PCDHGB3: variants seen among roughly 807,000 people sequenced by gnomAD.
PCDHGB3 encodes the protein protocadherin gamma subfamily B, 3, also known as protocadherin gamma-B3.
PCDHGB3 carries 40 observed loss-of-function variants against 59.2 expected under a neutral mutation model. The observed-to-expected ratio is 0.68, with a 90% CI of 0.52 to 0.88. PCDHGB3 has a LOEUF of 0.88. Ranked by LOEUF, PCDHGB3 falls within the 40% of genes least tolerant of loss-of-function variation. PCDHGB3 has a pLI of 0.00. For synonymous variants in PCDHGB3, 581 were observed against 503.6 expected, an observed-to-expected ratio of 1.15 and a Z score of -2.06; for missense variants, 1,309 against 1,187.9, an observed-to-expected ratio of 1.10 and a Z score of -1.50.
chr5:141,379,938 C>G (rs1220422667), intron 1 of PCDHGB3, among the ~76,000 whole-genome samples: 1 of 86,936 alleles, frequency 1.2e-5, no homozygotes, highest in African/African-American at 4.3e-5. Context: ...CTTGCTCTGT[C>G]TCCCAGGCTG....
At chr5:141,497,018 A>G (rs988584487) in intron 2 of PCDHGB3, among the ~76,000 whole-genome samples, 1 of 152,084 alleles carries the variant, frequency 6.6e-6, no homozygotes, top group Non-Finnish European at 1.5e-5. Flanking sequence ...GTGAAACCCC[A>G]TCTCGATTAA....
chr5:141,424,697 T>C (rs1467404367), intron 1 of PCDHGB3: 4 of 152,342 alleles, frequency 2.6e-5, no homozygotes, highest in South Asian at 4.1e-4. Context: ...GGCTATTTTT[T>C]TGTTCATTTT....
intron 1 of PCDHGB3, chr5:141,384,978 G>C (rs1394445835): frequency 6.2e-7 from 1 of 1,614,032 alleles, no homozygotes; most frequent in Non-Finnish European, 8.5e-7. Context: ...CGTTGTACCT[G>C]GTGGTGGCGG....
At chr5:141,393,527 T>A in intron 1 of PCDHGB3, 10 of 1,613,990 alleles carry the variant, frequency 6.2e-6, no homozygotes, top group Non-Finnish European at 6.8e-6. Context: ...CAAATGACAA[T>A]GCCCCGGTTT....
Position 141,370,541 on chromosome 5 carries a change from C to T in PCDHGB3, c.147C>T (p.Asn49=), listed in dbSNP as rs760146561. The change falls in exon 1 of 4, where the codon AAC becomes AAT. Residue 49 remains asparagine (N), a synonymous_variant. Coordinates refer to ENST00000576222, the MANE Select transcript of PCDHGB3 (RefSeq NM_018924.5). The stretch of plus-strand genomic sequence containing the variant: ...TGGACAGGGGCTCGCTGGTAGGGAA[C>T]CTCGCCAAGGACCTGGGGTTTGGCG... ...EELDRGSLVG[N]LAKDLGFGVG... The T allele has an allele frequency of 5.0e-6, 8 of 1,613,924 alleles. No homozygotes were observed. The highest frequency in any genetic ancestry group is 5.9e-6 in the Non-Finnish European group (7 of 1,179,882).
intron 1 of PCDHGB3, among the ~76,000 whole-genome samples, chr5:141,434,345 G>C (rs1254991411): frequency 1.3e-5 from 2 of 152,144 alleles, no homozygotes; most frequent in African/African-American, 4.8e-5. Flanking sequence ...GTCGGGAACA[G>C]GCCCCCCAAA....
chr5:141,495,900 G>A (rs1403705200), intron 2 of PCDHGB3, among the ~76,000 whole-genome samples: 2 of 151,894 alleles, frequency 1.3e-5, no homozygotes, highest in East Asian at 1.9e-4. Context: ...CTTTGTCTCT[G>A]TCTCTGTATA....
intron 1 of PCDHGB3, among the ~76,000 whole-genome samples, chr5:141,474,010 C>G (rs989832548): frequency 1.3e-5 from 2 of 152,092 alleles, no homozygotes; most frequent in Admixed American, 1.3e-4. Flanking sequence ...CTGGAAGTTA[C>G]AGTGAGCTAT....
chr5:141,463,467 G>A (rs200270457), intron 1 of PCDHGB3, among the ~76,000 whole-genome samples: 2,116 of 11,250 alleles, frequency 0.19, 39 homozygotes, highest in East Asian at 0.24. Context: ...TTTTTTTTTT[G>A]AGATGGAGTC....
chr5:141,463,438 CTTTTTTTTTTTTTTT>C (rs71576115), intron 1 of PCDHGB3, among the ~76,000 whole-genome samples: 7 of 103,256 alleles, frequency 6.8e-5, no homozygotes, highest in African/African-American at 3.1e-4. Flanking sequence ...TTTCCTTCTC[CTTTTTTTTTTTTTTT>C]TTTTTTTTTT....
At chr5:141,375,345 C>G (rs749825552) in intron 1 of PCDHGB3, 9 of 1,613,740 alleles carry the variant, frequency 5.6e-6, no homozygotes, top group African/African-American at 1.3e-5. Context: ...TACAACATCA[C>G]TGTGACAGCC....
chr5:141,501,945 T>G (rs1318749969), intron 2 of PCDHGB3, among the ~76,000 whole-genome samples: 5 of 152,106 alleles, frequency 3.3e-5, no homozygotes, highest in African/African-American at 1.2e-4. Context: ...CACTGCTCCC[T>G]GTGACAGGTC....
intron 1 of PCDHGB3, chr5:141,422,638 T>G (rs1412270971): frequency 6.2e-7 from 1 of 1,612,392 alleles, no homozygotes. Context: ...CAGGGGTGCC[T>G]CCATCTTCTC....
At position 141,371,163 on chromosome 5, in the gene PCDHGB3, G is replaced by T. The variant is rs79773129; in HGVS notation, c.769G>T (p.Ala257Ser). ...GGTCAATGTTGCAGAGAACCTGCCC[G>T]CTGGCTCCTCCGTATTAAAAGTGAT... is the stretch of plus-strand genomic sequence containing the variant. ...YRVNVAENLP[A>S]GSSVLKVMAI... The change falls in exon 1 of 4, where the codon GCT becomes TCT. Residue 257 changes from alanine to serine, a missense_variant. Physicochemically the swap from Ala to Ser is moderately conservative, Grantham distance 99. Transcript: ENST00000576222. 6 of 1,613,984 alleles carry T rather than the reference G, an allele frequency of 3.7e-6. No homozygotes were observed. Among genetic ancestry groups the T allele is most frequent in the Non-Finnish European group, 5.1e-6 (6 of 1,179,888 alleles).
intron 1 of PCDHGB3, among the ~76,000 whole-genome samples, chr5:141,454,796 ATTTTTTTTTTTTTTTTTTT>A (rs61612330): frequency 3.9e-5 from 3 of 77,408 alleles, no homozygotes; most frequent in African/African-American, 1.2e-4. Context: ...CATGGTTCTA[ATTTTTTTTTTTTTTTTTTT>A]TTTTTTTTTT....
rs2099521625 is a variant in PCDHGB3, at chr5:141,480,568, G to A, written c.2416-14239G>A. 2.0e-5 allele frequency among the ~76,000 whole-genome samples: 3 copies of A among 152,338 alleles called. No individual in the cohort carries two copies. The South Asian group carries it at 6.2e-4, about 32-fold the overall frequency. Reference sequence around the variant, plus strand: ...AAAGGCTAAGAAAGCATGAAAGCCAGCAAGAAATAACTGCCGCTCTTCTGG... The same window carrying A: ...AAAGGCTAAGAAAGCATGAAAGCCAACAAGAAATAACTGCCGCTCTTCTGG... On this transcript the variant is annotated intron_variant, in intron 1 of 3. Coordinates refer to ENST00000576222, the MANE Select transcript of PCDHGB3 (RefSeq NM_018924.5).
Position 141,489,169 on chromosome 5 carries a change from C to T in PCDHGB3, c.2416-5638C>T. On this transcript the variant is annotated intron_variant, in intron 1 of 3. Coordinates refer to ENST00000576222, the MANE Select transcript of PCDHGB3 (RefSeq NM_018924.5). This position sits in a 1 kb window ranked among gnomAD's most constrained non-coding sequence, Gnocchi z 4.5. ...GAGACATAAGAGACTTCAGCTGCTG[C>T]ATTCCAAGCCCTGGGTCTACCTTGG... 3 of 1,124,648 alleles carry T rather than the reference C, an allele frequency of 2.7e-6. No individual in the cohort carries two copies. The highest frequency in any genetic ancestry group is 3.8e-6 in the Non-Finnish European group (3 of 783,910). The allele number at this position is 1,124,648 out of a possible 1,614,324, so 69.7% of individuals were successfully genotyped here. A position where few individuals can be genotyped will look rare whatever the true frequency, so the allele number is the denominator to read the frequency against.
chr5:141,478,179 A>C, intron 1 of PCDHGB3: 1 of 1,613,996 alleles, frequency 6.2e-7, no homozygotes, highest in Non-Finnish European at 8.5e-7. Context: ...GAGCAGAAAA[A>C]AAATCTCACC....
At chr5:141,466,528 T>C (rs1171715691) in intron 1 of PCDHGB3, among the ~76,000 whole-genome samples, 1 of 152,204 alleles carries the variant, frequency 6.6e-6, no homozygotes, top group African/African-American at 2.4e-5. Context: ...TCCTCCCAAA[T>C]TGATGTAGAT....
Sources: allele counts gnomAD v4.1 joint callset (sites outside exome capture counted in the v4.1 genomes callset), GRCh38; gene constraint gnomAD v4.1.1; non-coding constraint Gnocchi (gnomAD v3.1); transcripts MANE v1.5; gene names NCBI Gene and HGNC (gene_info 2026-07-23, HGNC 2026-07-21).